Variants in CAGE1 observed in about 807,000 individuals in gnomAD.
CAGE1 encodes cancer-associated gene 1 protein.
A neutral mutation model predicts 94.9 loss-of-function variants in CAGE1; 66 were observed. The ratio of observed to expected loss-of-function variants is 0.70; its 90% CI spans 0.57 to 0.85. CAGE1 has a LOEUF of 0.85. Ranked by LOEUF, CAGE1 falls within the 40% of genes least tolerant of loss-of-function variation. The pLI, the probability that CAGE1 is intolerant of heterozygous loss-of-function variation, is 0.00. For missense variants in CAGE1, 865 were observed against 950.4 expected (o/e 0.91, Z 1.18); for synonymous variants, 319 against 321.0 (o/e 0.99, Z 0.07).
chr6:7,389,204 T>C lies in CAGE1; in HGVS notation c.-26A>G. The C allele has an allele frequency of 4.4e-6, 2 of 452,428 alleles. No individual in the cohort carries two copies. Among genetic ancestry groups the C allele is most frequent in the Non-Finnish European group, 8.9e-6 (2 of 224,932 alleles). 28.0% of individuals were successfully genotyped at this position (452,428 alleles called of 1,614,324 possible). A position where few individuals can be genotyped will look rare whatever the true frequency, so the allele number is the denominator to read the frequency against. ...TTCAGTTGTAAGACAAACTTTACCT[T>C]TTTAAAAAGCACTTATCTCATTCAT... On this transcript the variant is annotated splice_region_variant and 5_prime_UTR_variant, in exon 1 of 14. Transcript: ENST00000502583.
intron 11 of CAGE1, among the ~76,000 whole-genome samples, chr6:7,345,591 T>G (rs1759459094): frequency 6.6e-6 from 1 of 152,162 alleles, no homozygotes; most frequent in Admixed American, 6.5e-5. Context: ...CACTAATAGC[T>G]TTCATAGTAA....
chr6:7,347,959 C>T lies in CAGE1; in HGVS notation c.2369+7082G>A, dbSNP rs149635066. ...GAGCTCAGACACACCAAGCCCTGCC[C>T]CTACCTGATGGGCCTTCCCTATCCA... On this transcript the variant is annotated intron_variant, in intron 11 of 13. Transcript: ENST00000502583. 1.4e-3 allele frequency among the ~76,000 whole-genome samples: 210 copies of T among 152,174 alleles called. 1 individual carries two copies. Among genetic ancestry groups the T allele is most frequent in the African/African-American group, 4.8e-3 (198 of 41,490 alleles).
chr6:7,345,077 C>T (rs550638014), intron 11 of CAGE1, among the ~76,000 whole-genome samples: 33 of 151,944 alleles, frequency 2.2e-4, no homozygotes, highest in African/African-American at 7.0e-4. Context: ...AAGCTTTGTT[C>T]TTTCACCCTG....
Position 7,367,278 on chromosome 6 carries a change from A to AT in CAGE1, c.2005-1395dup, listed in dbSNP as rs70978961. ...AATATCTGAAAGAAATATTTGGGGG[A>AT]TTTTTTTTTTTTTTTTGCTTTTTGT... On this transcript the variant is annotated intron_variant, in intron 7 of 13. Transcript: ENST00000502583. 2.3e-3 allele frequency among the ~76,000 whole-genome samples: 253 copies of AT among 111,196 alleles called. 3 individuals carry two copies. The highest frequency in any genetic ancestry group is 7.0e-3 in the South Asian group (23 of 3,298). 72.9% of individuals were successfully genotyped at this position (111,196 alleles called of 152,430 possible).
intron 11 of CAGE1, 67 bp from the exon 12 acceptor site, chr6:7,334,157 T>C (rs1758868803): frequency 3.2e-6 from 3 of 942,848 alleles, no homozygotes; most frequent in Non-Finnish European, 3.2e-6. Flanking sequence ...TTTGTTAGAT[T>C]CACTGGAGGA....
chr6:7,387,806 T>C (rs1008764543), intron 1 of CAGE1, among the ~76,000 whole-genome samples: 3 of 146,698 alleles, frequency 2.0e-5, no homozygotes, highest in Non-Finnish European at 4.5e-5. Flanking sequence ...GATCACGAGG[T>C]CAGGAGATCG....
intron 11 of CAGE1, among the ~76,000 whole-genome samples, chr6:7,351,181 A>G (rs1375982274): frequency 1.3e-5 from 2 of 152,198 alleles, no homozygotes; most frequent in Admixed American, 6.5e-5. Context: ...CTTTACACAC[A>G]TAAACTAGAA....
At chr6:7,356,450 A>G (rs761281806) in intron 9 of CAGE1, among the ~76,000 whole-genome samples, 2 of 152,194 alleles carry the variant, frequency 1.3e-5, no homozygotes, top group Non-Finnish European at 2.9e-5. Context: ...TATATAGCCA[A>G]TGGGTAGACA....
chr6:7,368,857 C>T, intron 6 of CAGE1, 59 bp from the exon 7 acceptor site: 1 of 958,604 alleles, frequency 1.0e-6, no homozygotes. Flanking sequence ...TAAAATGAGG[C>T]CAAAACTATG....
intron 11 of CAGE1, among the ~76,000 whole-genome samples, chr6:7,345,308 T>C (rs1253088011): frequency 6.6e-6 from 1 of 152,164 alleles, no homozygotes; most frequent in East Asian, 1.9e-4. Flanking sequence ...GCAGTTTTAT[T>C]TCTGAACCAG....
chr6:7,337,692 A>G (rs1474254254), intron 11 of CAGE1, among the ~76,000 whole-genome samples: 1 of 152,200 alleles, frequency 6.6e-6, no homozygotes, highest in Non-Finnish European at 1.5e-5. Flanking sequence ...CCAGGTCTGC[A>G]TTCCCTGGTC....
chr6:7,334,526 C>T (rs1282158737), intron 11 of CAGE1, among the ~76,000 whole-genome samples: 9 of 151,862 alleles, frequency 5.9e-5, no homozygotes, highest in Non-Finnish European at 8.8e-5. Flanking sequence ...CCCAGGAGTT[C>T]GTGACTAGCC....
At chr6:7,365,919 A>G in intron 7 of CAGE1, 35 bp from the exon 8 acceptor site, 1 of 1,179,226 alleles carries the variant, frequency 8.5e-7, no homozygotes, top group Non-Finnish European at 1.2e-6. Flanking sequence ...TTTTAGAGAG[A>G]AAATACAACT....
Position 7,335,235 on chromosome 6 carries a change from C to G in CAGE1, c.2370-1145G>C, listed in dbSNP as rs77367233. Among the ~76,000 whole-genome samples, 1,225 of 152,318 alleles carry G rather than the reference C, an allele frequency of 8.0e-3. 22 individuals are homozygous for G. Among genetic ancestry groups the G allele is most frequent in the African/African-American group, 0.028 (1,165 of 41,566 alleles). On this transcript the variant is annotated intron_variant, in intron 11 of 13. Coordinates refer to ENST00000502583, the MANE Select transcript of CAGE1 (RefSeq NM_001170692.2). ...ATAATCCAAAATAATCTCCGCAACT[C>G]AAGATGTAATCACATCTGCAAGGCT... is the stretch of plus-strand genomic sequence containing the variant.
At chr6:7,370,214 C>A (rs1760493534) in intron 5 of CAGE1, 149 bp from the exon 6 acceptor site, 2 of 520,548 alleles carry the variant, frequency 3.8e-6, no homozygotes, top group Admixed American at 3.9e-5. Flanking sequence ...GAAATTAAAA[C>A]TGAGAATATT....
chr6:7,385,765 G>A lies in CAGE1; in HGVS notation c.283+20C>T, dbSNP rs755348157. 30 of 1,447,594 alleles carry A rather than the reference G, an allele frequency of 2.1e-5. No homozygotes were observed. The highest frequency in any genetic ancestry group is 2.8e-5 in the Non-Finnish European group (30 of 1,076,138). 89.7% of individuals were successfully genotyped at this position (1,447,594 alleles called of 1,614,324 possible). A position where few individuals can be genotyped will look rare whatever the true frequency, so the allele number is the denominator to read the frequency against. On this transcript the variant is annotated intron_variant, in intron 3 of 13. Transcript: ENST00000502583. ...AAAAAGTTTCTCTCTTTTGCATATT[G>A]CTAACAAGTAGATACTTACCATTTA...
At chr6:7,329,961 T>TC in intron 12 of CAGE1, 73 bp from the exon 13 acceptor site, 8 of 663,282 alleles carry the variant, frequency 1.2e-5, no homozygotes, top group Non-Finnish European at 1.9e-5. Context: ...GGTGAGCAAG[T>TC]TGCCATTATT....
At chr6:7,376,553 A>G (rs1324391101) in intron 4 of CAGE1, among the ~76,000 whole-genome samples, 1 of 152,102 alleles carries the variant, frequency 6.6e-6, no homozygotes, top group Non-Finnish European at 1.5e-5. Flanking sequence ...CCATGGACCT[A>G]GCCTCCAGAA....
Position 7,339,108 on chromosome 6 carries a change from T to TC in CAGE1, c.2370-5019dup. ...GTCTCTGCTGTGGATCATCAGGCCG[T>TC]CCACAAACTTCATGGATTTAGCTCT... On this transcript the variant is annotated intron_variant, in intron 11 of 13. Transcript: ENST00000502583. This position sits in a 1 kb window ranked among gnomAD's most constrained non-coding sequence, Gnocchi z 4.7. The TC allele has an allele frequency of 1.3e-6, 2 of 1,584,678 alleles. No homozygotes were observed. The highest frequency in any genetic ancestry group is 1.3e-5 in the African/African-American group (1 of 74,452).
Sources: allele counts gnomAD v4.1 joint callset (sites outside exome capture counted in the v4.1 genomes callset), GRCh38; gene constraint gnomAD v4.1.1; non-coding constraint Gnocchi (gnomAD v3.1); transcripts MANE v1.5; gene names NCBI Gene and HGNC (gene_info 2026-07-23, HGNC 2026-07-21).